Variants in SPEN observed in about 807,000 individuals in gnomAD.
SPEN encodes msx2-interacting protein.
Under a neutral mutation model 269.9 loss-of-function variants are expected in SPEN, and 18 were observed. The ratio of observed to expected loss-of-function variants is 0.07; its 90% CI spans 0.05 to 0.10. SPEN has a LOEUF of 0.10. Among genes scored for constraint, SPEN ranks in the 10% least tolerant of loss-of-function variants. The pLI, the probability that SPEN is intolerant of heterozygous loss-of-function variation, is 1.00. For synonymous variants in SPEN, 1,726 were observed against 1,765.7 expected (o/e 0.98, Z 0.56); for missense variants, 3,822 against 4,631.2 (o/e 0.83, Z 5.07).
chr1:15,915,530 A>AT (rs1371952709), intron 5 of SPEN, among the ~76,000 whole-genome samples: 2 of 151,844 alleles, frequency 1.3e-5, no homozygotes, highest in Non-Finnish European at 2.9e-5. Flanking sequence ...TATCTATTTT[A>AT]TTTTTTCTAT....
At chr1:15,877,132 T>C (rs2070639729) in intron 3 of SPEN, among the ~76,000 whole-genome samples, 1 of 152,226 alleles carries the variant, frequency 6.6e-6, no homozygotes, top group Non-Finnish European at 1.5e-5. Context: ...TAGATCAACT[T>C]ATGAACAAAT....
intron 1 of SPEN, among the ~76,000 whole-genome samples, chr1:15,857,304 A>G (rs867601211): frequency 1.3e-5 from 2 of 151,850 alleles, no homozygotes; most frequent in Non-Finnish European, 2.9e-5. Context: ...GGCTCAAGTG[A>G]TCTGTCTGCC....
chr1:15,916,895 G>A (rs966795059), intron 6 of SPEN, among the ~76,000 whole-genome samples: 2 of 152,190 alleles, frequency 1.3e-5, no homozygotes, highest in East Asian at 1.9e-4. Context: ...GGGAGGGTGA[G>A]GTGGGCAGAT....
Position 15,871,256 on chromosome 1 carries a change from C to T in SPEN, c.84-1560C>T, listed in dbSNP as rs559912590. Among the ~76,000 whole-genome samples the T allele has an allele frequency of 4.6e-5, 7 of 152,286 alleles. No homozygotes were observed. In the East Asian group the frequency reaches 1.3e-3, roughly 29 times the overall value. On this transcript the variant is annotated intron_variant, in intron 1 of 14. Transcript: ENST00000375759. ...GTGCTGGGATTTCAGGCTTGAGCCA[C>T]CACGCCTGGCCTCAACAGTGCCTTT...
chr1:15,858,049 A>G (rs534096264), intron 1 of SPEN, among the ~76,000 whole-genome samples: 75 of 152,214 alleles, frequency 4.9e-4, no homozygotes, highest in Middle Eastern at 3.4e-3. Context: ...AATCACTTGA[A>G]CCTTGTAGTT....
At chr1:15,850,429 A>G (rs755111126) in intron 1 of SPEN, among the ~76,000 whole-genome samples, 11 of 151,282 alleles carry the variant, frequency 7.3e-5, no homozygotes, top group Non-Finnish European at 1.3e-4. Context: ...AAACAAATCT[A>G]TTTAGTTGTT....
intron 3 of SPEN, among the ~76,000 whole-genome samples, chr1:15,908,892 G>A (rs552257486): frequency 6.6e-6 from 1 of 152,224 alleles, no homozygotes; most frequent in South Asian, 2.1e-4. Flanking sequence ...ATAAAATTAT[G>A]ATAGGAAACC....
In SPEN at chr1:15,930,342, A is replaced by G; in HGVS notation, c.4102A>G (p.Arg1368Gly). 3 of 1,613,734 alleles carry G rather than the reference A, an allele frequency of 1.9e-6. No homozygotes were observed. Among genetic ancestry groups the G allele is most frequent in the Non-Finnish European group, 2.5e-6 (3 of 1,179,706 alleles). ...AATTAAGAGAGATAGCCTTCGAAAA[A>G]GGTCTGTACGAGATCTGGAACCTGG... ...SIIKRDSLRK[R>G]SVRDLEPGEV... Residue 1368 changes from arginine (R) to glycine (G), a missense_variant, in exon 11 of 15, where the codon AGG becomes GGG. This residue lies in a region of SPEN where 267 missense variants were observed against 315.5 expected (regional missense o/e 0.85). Coordinates refer to ENST00000375759, the MANE Select transcript of SPEN (RefSeq NM_015001.3). The surrounding 1 kb of genome is among the most constrained non-coding windows in gnomAD (Gnocchi z 5.3).
intron 3 of SPEN, among the ~76,000 whole-genome samples, chr1:15,897,902 T>C (rs528070500): frequency 2.9e-4 from 44 of 152,322 alleles, no homozygotes; most frequent in Non-Finnish European, 4.9e-4. Flanking sequence ...AAGGGCTTCA[T>C]TGATGATTTA....
chr1:15,939,360 C>T lies in SPEN; in HGVS notation c.10928C>T (p.Ala3643Val). The T allele has an allele frequency of 6.2e-7, 1 of 1,606,994 alleles. No homozygotes were observed. Among genetic ancestry groups the T allele is most frequent in the Non-Finnish European group, 8.5e-7 (1 of 1,176,678 alleles). ...TCTGAGAGTCACCTGTCCCGCCTGGCCCCTGACCTCCTTGCCAGCATCTCC... is the reference window on the plus strand; with the variant it reads ...TCTGAGAGTCACCTGTCCCGCCTGGTCCCTGACCTCCTTGCCAGCATCTCC... ...EFSESHLSRL[A>V]PDLLASISNI... Residue 3643 changes from alanine (A) to valine (V), a missense_variant, in exon 15 of 15, where the codon GCC (alanine) becomes GTC (valine). Transcript: ENST00000375759. This position sits in a 1 kb window ranked among gnomAD's most constrained non-coding sequence, Gnocchi z 4.1.
Position 15,934,642 on chromosome 1 carries a change from G to A in SPEN, c.8402G>A (p.Gly2801Asp), listed in dbSNP as rs777036247. ...PVIDDRPADA[G>D]SGAGLRVNTS... is the part of the protein sequence containing the mutation. ...ATCGACGATCGTCCGGCAGACGCGG[G>A]CTCAGGGGCGGGGCTGCGTGTGAAC... is the stretch of plus-strand genomic sequence containing the variant. The change falls in exon 11 of 15, where the codon GGC (glycine) becomes GAC (aspartate). Residue 2801 changes from glycine to aspartate, a missense_variant. By Grantham distance (94) the Gly-to-Asp change is moderately conservative. Around this residue, in one of 16 missense-constraint regions of SPEN, gnomAD observed 329 missense variants for 431.2 expected, o/e 0.76. Coordinates refer to ENST00000375759, the MANE Select transcript of SPEN (RefSeq NM_015001.3). The surrounding 1 kb of genome is among the most constrained non-coding windows in gnomAD (Gnocchi z 9.2). 1 of 1,613,980 alleles carries A rather than the reference G, an allele frequency of 6.2e-7. No homozygotes were observed.
At position 15,930,652 on chromosome 1, in the gene SPEN, T is replaced by C; in HGVS notation, c.4412T>C (p.Phe1471Ser). The C allele has an allele frequency of 6.2e-7, 1 of 1,614,128 alleles. No individual in the cohort carries two copies. Among genetic ancestry groups the C allele is most frequent in the Non-Finnish European group, 8.5e-7 (1 of 1,180,024 alleles). Residue 1471 changes from phenylalanine (F) to serine (S), a missense_variant, in exon 11 of 15, where the codon TTT (phenylalanine) becomes TCT (serine). This residue lies in a region of SPEN where 267 missense variants were observed against 315.5 expected (regional missense o/e 0.85). Transcript: ENST00000375759. This position sits in a 1 kb window ranked among gnomAD's most constrained non-coding sequence, Gnocchi z 5.3. Reference protein sequence around the residue: ...NWSFLDWDSRFANFRNNKDKE... With the variant: ...NWSFLDWDSRSANFRNNKDKE... ...TCTTTTCTTGATTGGGACTCCCGAT[T>C]TGCAAATTTTCGAAACAACAAAGAT...
At chr1:15,938,603 G>C in intron 13 of SPEN, 115 bp from the exon 14 acceptor site, 1 of 431,492 alleles carries the variant, frequency 2.3e-6, no homozygotes, top group Non-Finnish European at 3.7e-6. Flanking sequence ...TATCAGGGTA[G>C]CCTTTAAAGT....
At chr1:15,922,429 T>A in intron 10 of SPEN, 80 bp downstream of exon 10, 1 of 916,010 alleles carries the variant, frequency 1.1e-6, no homozygotes, top group South Asian at 1.6e-5. Context: ...TAAATTTTAT[T>A]TTTCACTCTT....
intron 1 of SPEN, among the ~76,000 whole-genome samples, chr1:15,860,258 A>G (rs527708362): frequency 6.6e-6 from 1 of 151,450 alleles, no homozygotes. Flanking sequence ...TTTCTTTTTG[A>G]GACAGCCTTG....
intron 3 of SPEN, among the ~76,000 whole-genome samples, chr1:15,879,158 T>C (rs189327465): frequency 3.3e-5 from 5 of 152,014 alleles, no homozygotes; most frequent in African/African-American, 9.6e-5. Context: ...GCCTGGTCAA[T>C]GGTGAAACCC....
intron 3 of SPEN, among the ~76,000 whole-genome samples, chr1:15,908,622 C>T (rs2070983774): frequency 6.6e-6 from 1 of 152,072 alleles, no homozygotes; most frequent in South Asian, 2.1e-4. Context: ...GGGTTTTCAC[C>T]ATGTTGGCCA....
chr1:15,909,653 A>G lies in SPEN; in HGVS notation c.1042+172A>G, dbSNP rs1260354322. On this transcript the variant is annotated intron_variant, in intron 4 of 14. Transcript: ENST00000375759. ...AATAATGGAAAAGTCTGCTTAAGCT[A>G]TTCTGTGGTCTCTACTGGTAATATT... Among the ~76,000 whole-genome samples, 46 of 152,170 alleles carry G rather than the reference A, an allele frequency of 3.0e-4. 1 individual carries two copies. The highest frequency in any genetic ancestry group is 3.0e-3 in the Admixed American group (46 of 15,268).
At chr1:15,927,405 T>A (rs569482038) in intron 10 of SPEN, among the ~76,000 whole-genome samples, 1 of 152,196 alleles carries the variant, frequency 6.6e-6, no homozygotes, top group Admixed American at 6.5e-5. Context: ...ATTTTATGAG[T>A]GAGGAGACTG....
Sources: allele counts gnomAD v4.1 joint callset (sites outside exome capture counted in the v4.1 genomes callset), GRCh38; gene constraint gnomAD v4.1.1; regional missense constraint gnomAD v4.1.1; non-coding constraint Gnocchi (gnomAD v3.1); transcripts MANE v1.5; gene names NCBI Gene and HGNC (gene_info 2026-07-23, HGNC 2026-07-21).